The following PRPF4 variants were observed in gnomAD, a reference collection of about 807,000 sequenced individuals.
The protein encoded by PRPF4 is U4/U6 small nuclear ribonucleoprotein Prp4.
In PRPF4, 14 loss-of-function variants were observed where a neutral mutation model predicts 72.2. That is an observed-to-expected ratio of 0.19 (90% CI 0.13 to 0.30). The LOEUF (loss-of-function observed/expected upper bound fraction) is 0.30. Among genes scored for constraint, PRPF4 ranks in the 10% least tolerant of loss-of-function variants. The pLI is 1.00. For synonymous variants in PRPF4, 225 were observed against 232.2 expected, an observed-to-expected ratio of 0.97 and a Z score of 0.28; for missense variants, 478 against 653.9, an observed-to-expected ratio of 0.73 and a Z score of 2.93.
chr9:113,281,151 G>A (rs1009467456), intron 3 of PRPF4, among the ~76,000 whole-genome samples: 6 of 152,114 alleles, frequency 3.9e-5, no homozygotes, highest in African/African-American at 1.2e-4. Flanking sequence ...GAGCTACCGC[G>A]CCCGGCCTTT....
chr9:113,286,596 T>C (rs1832455724), intron 8 of PRPF4, 109 bp from the exon 9 acceptor site: 13 of 1,312,076 alleles, frequency 9.9e-6, no homozygotes, highest in Non-Finnish European at 1.4e-5. Flanking sequence ...CATGTTTTAA[T>C]AGTTGAATAG....
chr9:113,280,853 T>C (rs1832258686), intron 3 of PRPF4, among the ~76,000 whole-genome samples: 1 of 152,168 alleles, frequency 6.6e-6, no homozygotes, highest in African/African-American at 2.4e-5. Flanking sequence ...TCCTTTTTTT[T>C]TCTTTGAAAC....
At chr9:113,286,089 C>T (rs531113712) in intron 7 of PRPF4, 143 bp from the exon 8 acceptor site, 6 of 934,698 alleles carry the variant, frequency 6.4e-6, no homozygotes, top group East Asian at 2.4e-5. Context: ...TATAACCCTT[C>T]TAACTATAAG....
rs779026548 is a variant in PRPF4 at position 113,286,736 on chromosome 9, C to T, written c.840C>T (p.Phe280=). 8 of 1,614,128 alleles carry T rather than the reference C, an allele frequency of 5.0e-6. No homozygotes were observed. In the South Asian group the frequency reaches 5.5e-5, roughly 11 times the overall value. The change falls in exon 9 of 14, where the codon TTC becomes TTT. Residue 280 remains phenylalanine (F), a synonymous_variant. Coordinates refer to ENST00000374198, the MANE Select transcript of PRPF4 (RefSeq NM_001244926.2). ...GHNTNVGAIV[F]HPKSTVSLDP... ...ACACAAATGTAGGAGCAATTGTATT[C>T]CATCCCAAATCCACTGTCTCCTTGG...
chr9:113,283,568 T>A, intron 6 of PRPF4, 86 bp downstream of exon 6: 1 of 1,285,862 alleles, frequency 7.8e-7, no homozygotes, highest in Non-Finnish European at 1.1e-6. Flanking sequence ...TCTGGGAAGG[T>A]AGAGGCAACT....
intron 2 of PRPF4, among the ~76,000 whole-genome samples, chr9:113,276,955 C>A (rs143305502): frequency 0.061 from 9,282 of 152,008 alleles, 472 homozygotes; most frequent in South Asian, 0.18. Flanking sequence ...GCTGGGATTA[C>A]AGGCGCACAC....
intron 3 of PRPF4, 99 bp downstream of exon 3, chr9:113,279,230 C>A: frequency 9.1e-7 from 1 of 1,099,998 alleles, no homozygotes; most frequent in Non-Finnish European, 1.3e-6. Flanking sequence ...TAGAATGTCT[C>A]AAATCATGTT....
chr9:113,280,327 G>A (rs988222536), intron 3 of PRPF4, among the ~76,000 whole-genome samples: 2 of 151,930 alleles, frequency 1.3e-5, no homozygotes, highest in Non-Finnish European at 2.9e-5. Context: ...ACTTGCCCTT[G>A]GTGATCAGCT....
intron 2 of PRPF4, among the ~76,000 whole-genome samples, chr9:113,278,101 A>T (rs948528128): frequency 5.3e-5 from 8 of 152,260 alleles, no homozygotes; most frequent in African/African-American, 1.9e-4. Context: ...GCTAAAAAGT[A>T]TGTAATTTTT....
intron 9 of PRPF4, among the ~76,000 whole-genome samples, 158 bp from the exon 10 acceptor site, chr9:113,288,017 G>C (rs10981716): frequency 1.3e-5 from 2 of 152,236 alleles, no homozygotes; most frequent in African/African-American, 4.8e-5. Context: ...CTTTGGTGCA[G>C]AATGACTATT....
At position 113,290,600 on chromosome 9, in the gene PRPF4, C is replaced by T. The variant is rs773629958; in HGVS notation, c.1145+12C>T. On this transcript the variant is annotated intron_variant, in intron 11 of 13. Transcript: ENST00000374198. Reference sequence around the variant, plus strand: ...TTGGCTGGCACTGGGTAAGGCTTCTCCCATGTAGTCAGGGGCAGTTCAGTA... The same window carrying T: ...TTGGCTGGCACTGGGTAAGGCTTCTTCCATGTAGTCAGGGGCAGTTCAGTA... 7.4e-6 allele frequency: 12 copies of T among 1,613,978 alleles called. No individual in the cohort carries two copies. The East Asian group carries it at 2.2e-4, about 30-fold the overall frequency.
At chr9:113,284,423 A>T in intron 7 of PRPF4, 34 bp downstream of exon 7, 1 of 1,528,730 alleles carries the variant, frequency 6.5e-7, no homozygotes. Flanking sequence ...TTTTTTCCTA[A>T]ATGGGGAACA....
At chr9:113,290,863 C>CT (rs775953053) in intron 12 of PRPF4, 35 bp from the exon 13 acceptor site, 375 of 1,612,194 alleles carry the variant, frequency 2.3e-4, no homozygotes, top group Non-Finnish European at 3.1e-4. Context: ...AGTAAGTACT[C>CT]TATTTCTAAC....
chr9:113,283,411 G>A lies in PRPF4; in HGVS notation c.583G>A (p.Ala195Thr), dbSNP rs140995216. ...CAGGGCAATGAAACGCTTGGAAGAG[G>A]CCCGACTCCATAAGGAGATTCCTGA... ...LPRAMKRLEE[A>T]RLHKEIPETT... Residue 195 changes from alanine (A) to threonine (T), a missense_variant, in exon 6 of 14, where the codon GCC becomes ACC. Transcript: ENST00000374198. 2.9e-5 allele frequency: 47 copies of A among 1,614,148 alleles called. No individual in the cohort carries two copies. The Admixed American group carries it at 5.3e-4, about 18-fold the overall frequency.
chr9:113,291,414 T>C, intron 13 of PRPF4, 53 bp from the exon 14 acceptor site: 2 of 1,515,536 alleles, frequency 1.3e-6, no homozygotes, highest in Non-Finnish European at 1.8e-6. Flanking sequence ...GCTTTTGTCT[T>C]CTCTTTTGAA....
At chr9:113,277,596 G>A (rs2118588524) in intron 2 of PRPF4, among the ~76,000 whole-genome samples, 1 of 152,238 alleles carries the variant, frequency 6.6e-6, no homozygotes, top group East Asian at 1.9e-4. Context: ...ATGTTGCCCA[G>A]GCTGGTCTCC....
chr9:113,283,608 T>C (rs1456443970), intron 6 of PRPF4, 126 bp downstream of exon 6: 1 of 887,168 alleles, frequency 1.1e-6, no homozygotes, highest in African/African-American at 1.7e-5. Context: ...TAAGTTGAGC[T>C]GCTGTGACAT....
At chr9:113,290,351 T>C in intron 10 of PRPF4, 115 bp from the exon 11 acceptor site, 2 of 1,428,240 alleles carry the variant, frequency 1.4e-6, no homozygotes, top group South Asian at 2.5e-5. Context: ...AATATGGTTA[T>C]ATGAATAGTT....
chr9:113,279,458 G>A (rs1446965688), intron 3 of PRPF4, among the ~76,000 whole-genome samples: 1 of 152,088 alleles, frequency 6.6e-6, no homozygotes, highest in Non-Finnish European at 1.5e-5. Context: ...CCGCCTCCCG[G>A]GTTCAAGCGA....
Sources: allele counts gnomAD v4.1 joint callset (sites outside exome capture counted in the v4.1 genomes callset), GRCh38; gene constraint gnomAD v4.1.1; transcripts MANE v1.5; gene names NCBI Gene and HGNC (gene_info 2026-07-23, HGNC 2026-07-21).